NCOA1: variants seen among roughly 807,000 people sequenced by gnomAD.
The protein encoded by NCOA1 is Hin-2 protein.
Under a neutral mutation model 150.9 loss-of-function variants are expected in NCOA1, and 35 were observed. The ratio of observed to expected loss-of-function variants is 0.23; its 90% CI spans 0.18 to 0.31. The LOEUF (loss-of-function observed/expected upper bound fraction) is 0.31. NCOA1 is among the 10% of genes least tolerant of loss of function. NCOA1 has a pLI of 1.00. For synonymous variants in NCOA1, 590 were observed against 630.0 expected (o/e 0.94, Z 0.95); for missense variants, 1,491 against 1,749.3 (o/e 0.85, Z 2.63).
At chr2:24,563,371 A>G (rs1001319085) in intron 1 of NCOA1, among the ~76,000 whole-genome samples, 4 of 152,142 alleles carry the variant, frequency 2.6e-5, no homozygotes, top group Admixed American at 6.5e-5. Flanking sequence ...CTAGCCCCAC[A>G]TTTCTGACCC....
At chr2:24,615,432 A>T (rs1035095218) in intron 3 of NCOA1, among the ~76,000 whole-genome samples, 1 of 152,228 alleles carries the variant, frequency 6.6e-6, no homozygotes, top group Non-Finnish European at 1.5e-5. Context: ...CCTGTAATAT[A>T]TTGCTTGGCA....
rs1662883684 is a variant in NCOA1, at chr2:24,729,572, A to G, written c.2958A>G (p.Glu986=). ...CAACGCCACCTTTGATCATGGAAGA[A>G]AGACCCAACCTTTATTCCCAGCCTT... ...QQATPPLIME[E]RPNLYSQPYS... Residue 986 remains glutamate, a synonymous_variant, in exon 17 of 23, where the codon GAA becomes GAG. Transcript: ENST00000348332. 1 of 1,614,060 alleles carries G rather than the reference A, an allele frequency of 6.2e-7. No individual in the cohort carries two copies. Among genetic ancestry groups the G allele is most frequent in the African/African-American group, 1.3e-5 (1 of 74,928 alleles).
intron 3 of NCOA1, among the ~76,000 whole-genome samples, chr2:24,617,135 A>G (rs1007389528): frequency 2.6e-5 from 4 of 152,152 alleles, no homozygotes; most frequent in African/African-American, 9.7e-5. Flanking sequence ...GATGGTAGAA[A>G]TGTTGAACAT....
intron 1 of NCOA1, among the ~76,000 whole-genome samples, chr2:24,507,635 G>C (rs1663760276): frequency 6.6e-6 from 1 of 151,456 alleles, no homozygotes; most frequent in Non-Finnish European, 1.5e-5. Flanking sequence ...ATCATCATTA[G>C]AATCTATGGT....
chr2:24,748,767 A>G (rs1664071160), intron 19 of NCOA1, among the ~76,000 whole-genome samples: 1 of 152,206 alleles, frequency 6.6e-6, no homozygotes, highest in African/African-American at 2.4e-5. Context: ...AACCAAAAAA[A>G]TTACATTAAT....
chr2:24,521,190 T>C (rs890898870), intron 1 of NCOA1, among the ~76,000 whole-genome samples: 2 of 152,170 alleles, frequency 1.3e-5, no homozygotes, highest in African/African-American at 4.8e-5. Context: ...TTGATATATA[T>C]ATGTGTTGTG....
intron 1 of NCOA1, among the ~76,000 whole-genome samples, chr2:24,496,544 A>G (rs916311325): frequency 5.3e-5 from 8 of 152,210 alleles, no homozygotes; most frequent in South Asian, 4.1e-4. Context: ...CCTTAGCATT[A>G]GGTACTCTGT....
intron 3 of NCOA1, among the ~76,000 whole-genome samples, chr2:24,637,562 A>G (rs1488254504): frequency 6.6e-6 from 1 of 152,010 alleles, no homozygotes; most frequent in Non-Finnish European, 1.5e-5. Context: ...GAAATTGGAA[A>G]TCATCATTCT....
intron 1 of NCOA1, among the ~76,000 whole-genome samples, chr2:24,496,808 A>G (rs1215825011): frequency 2.0e-5 from 3 of 152,232 alleles, no homozygotes; most frequent in Non-Finnish European, 4.4e-5. Context: ...TAAAGTTACA[A>G]TATTACAAAG....
intron 3 of NCOA1, among the ~76,000 whole-genome samples, chr2:24,628,956 T>G (rs1669552930): frequency 6.6e-6 from 1 of 152,008 alleles, no homozygotes; most frequent in Non-Finnish European, 1.5e-5. Flanking sequence ...GAATAGTGGA[T>G]TTGTGTGTGT....
At chr2:24,576,994 C>G (rs1242475760) in intron 2 of NCOA1, among the ~76,000 whole-genome samples, 1 of 152,078 alleles carries the variant, frequency 6.6e-6, no homozygotes, top group East Asian at 1.9e-4. Context: ...TTTTTCTCAG[C>G]TATTTCTGTT....
At chr2:24,541,692 A>G (rs541637446) in intron 1 of NCOA1, among the ~76,000 whole-genome samples, 1 of 152,378 alleles carries the variant, frequency 6.6e-6, no homozygotes, top group African/African-American at 2.4e-5. Flanking sequence ...AGATTTTAAC[A>G]CTGATCTAAA....
At chr2:24,575,608 C>G (rs562586609) in intron 2 of NCOA1, among the ~76,000 whole-genome samples, 2 of 144,766 alleles carry the variant, frequency 1.4e-5, no homozygotes, top group Admixed American at 1.4e-4. Flanking sequence ...GAGTCTCGCT[C>G]TGTCACCCAG....
rs540350508 is a variant in NCOA1, at chr2:24,536,006, G to C, written c.-395-28289G>C. Among the ~76,000 whole-genome samples, 5 of 152,240 alleles carry C rather than the reference G, an allele frequency of 3.3e-5. No homozygotes were observed. In the South Asian group the frequency reaches 1.0e-3, roughly 32 times the overall value. Reference sequence around the variant, plus strand: ...ATTTGAATGTTGGCCTGCCTTGCTAGGTTGGGGACATTCTCCTGGATAATA... The same window carrying C: ...ATTTGAATGTTGGCCTGCCTTGCTACGTTGGGGACATTCTCCTGGATAATA... On this transcript the variant is annotated intron_variant, in intron 1 of 22. Transcript: ENST00000348332.
At chr2:24,534,473 A>T in intron 1 of NCOA1, among the ~76,000 whole-genome samples, 1 of 144,952 alleles carries the variant, frequency 6.9e-6, no homozygotes. Flanking sequence ...GATCTTAGTT[A>T]TTTCTTGTCT....
At chr2:24,591,070 A>G (rs1667636402) in intron 3 of NCOA1, among the ~76,000 whole-genome samples, 1 of 152,220 alleles carries the variant, frequency 6.6e-6, no homozygotes, top group Non-Finnish European at 1.5e-5. Flanking sequence ...ATTATATCAT[A>G]TGATCTATAA....
In NCOA1 at chr2:24,739,449, G is replaced by T. The variant is rs138881005; in HGVS notation, c.3219G>T (p.Arg1073=). The T allele has an allele frequency of 5.6e-6, 9 of 1,613,386 alleles. No individual in the cohort carries two copies. The African/African-American group carries it at 8.0e-5, about 14-fold the overall frequency. Reference sequence around the variant, plus strand: ...TTCTCTAGTTGATACACCAAAATCGGCAAGCTATCTTAAACCAGTTTGCAG... The same window carrying T: ...TTCTCTAGTTGATACACCAAAATCGTCAAGCTATCTTAAACCAGTTTGCAG... ...QGQQQLIHQN[R]QAILNQFAAT... is the part of the protein sequence containing the mutation. Residue 1073 remains arginine (R), a synonymous_variant, in exon 18 of 23, where the codon CGG becomes CGT. Transcript: ENST00000348332.
chr2:24,703,677 A>T (rs1398393619), intron 11 of NCOA1, among the ~76,000 whole-genome samples: 1 of 152,204 alleles, frequency 6.6e-6, no homozygotes, highest in Non-Finnish European at 1.5e-5. Flanking sequence ...CAGATATATT[A>T]TGGTATAGAT....
At chr2:24,580,652 T>G (rs1667157988) in intron 2 of NCOA1, among the ~76,000 whole-genome samples, 1 of 152,230 alleles carries the variant, frequency 6.6e-6, no homozygotes, top group Non-Finnish European at 1.5e-5. Flanking sequence ...TCTTTATATC[T>G]TGCTTTGTTT....
Sources: gnomAD v4.1 joint callset for allele counts (sites outside exome capture counted in the v4.1 genomes callset) on GRCh38, gnomAD v4.1.1 for gene constraint, MANE v1.5 for transcripts, NCBI Gene and HGNC (gene_info 2026-07-23, HGNC 2026-07-21) for gene names.